RBM41: variants seen among roughly 807,000 people sequenced by gnomAD.
RBM41 encodes the protein RNA binding motif protein 41, also known as RNA-binding protein 41.
In RBM41, 14 loss-of-function variants were observed where a neutral mutation model predicts 30.8. The observed-to-expected ratio is 0.45, with a 90% CI of 0.30 to 0.71. The LOEUF is 0.71. RBM41 is among the 30% of genes least tolerant of loss of function. The pLI, the probability that RBM41 is intolerant of heterozygous loss-of-function variation, is 0.08. For missense variants in RBM41, 276 were observed against 326.3 expected, an observed-to-expected ratio of 0.85 and a Z score of 1.19; for synonymous variants, 120 against 110.1, an observed-to-expected ratio of 1.09 and a Z score of -0.56.
At chrX:107,095,456 C>T (rs774168739) in intron 5 of RBM41, among the ~76,000 whole-genome samples, 3 of 109,324 alleles carry the variant, frequency 2.7e-5, no homozygotes, top group Admixed American at 2.0e-4. Context: ...ATTGGCCAGG[C>T]GTGGTGGCAC....
At chrX:107,118,539 G>C (rs1925084550) in intron 1 of RBM41, among the ~76,000 whole-genome samples, 1 of 111,149 alleles carries the variant, frequency 9.0e-6, no homozygotes, top group Non-Finnish European at 1.9e-5. Flanking sequence ...GTGCCGGGAG[G>C]GCATTCCCAC....
At chrX:107,100,118 C>T (rs1436158020) in intron 5 of RBM41, among the ~76,000 whole-genome samples, 7 of 111,410 alleles carry the variant, frequency 6.3e-5, no homozygotes, top group Admixed American at 5.7e-4. Context: ...TTGATATTTT[C>T]CAAAATAAAA....
intron 7 of RBM41, among the ~76,000 whole-genome samples, chrX:107,067,964 C>T (rs1370824023): frequency 1.1e-4 from 12 of 111,737 alleles, no homozygotes; most frequent in Non-Finnish European, 1.3e-4. Context: ...ACATAGGCAG[C>T]GTGCTAAAGA....
At chrX:107,092,779 T>TA (rs1315215277) in intron 5 of RBM41, among the ~76,000 whole-genome samples, 1 of 111,642 alleles carries the variant, frequency 9.0e-6, no homozygotes, top group African/African-American at 3.3e-5. Flanking sequence ...GGAATGTGTA[T>TA]ACACAGTGCA....
intron 5 of RBM41, among the ~76,000 whole-genome samples, chrX:107,099,648 A>G (rs1361351135): frequency 9.1e-6 from 1 of 109,783 alleles, no homozygotes; most frequent in Non-Finnish European, 1.9e-5. Flanking sequence ...TGAAACAAAC[A>G]AACAATATAG....
rs1402342662 is a variant in RBM41 at position 107,066,858 on chromosome X, C to A, written c.*669G>T. ...TTAGACACTTAATCAATGTTTATTG[C>A]TATGAATTCAATGATACTCAATGGT... On this transcript the variant is annotated 3_prime_UTR_variant, in exon 8 of 8. Coordinates refer to ENST00000685964, the MANE Select transcript of RBM41 (RefSeq NM_001324242.2). 1.4e-6 allele frequency: 1 copy of A among 734,657 alleles called. No homozygotes were observed. Among genetic ancestry groups the A allele is most frequent in the Non-Finnish European group, 1.6e-6 (1 of 623,100 alleles). 60.5% of individuals were successfully genotyped at this position (734,657 alleles called of 1,213,427 possible). A position where few individuals can be genotyped will look rare whatever the true frequency, so the allele number is the denominator to read the frequency against.
chrX:107,086,144 T>G (rs1032348230), intron 6 of RBM41, among the ~76,000 whole-genome samples: 1 of 111,766 alleles, frequency 8.9e-6, no homozygotes, highest in African/African-American at 3.3e-5. Flanking sequence ...TGAGATAACT[T>G]TTCAAGCTGA....
chrX:107,090,282 G>A (rs558916130), intron 5 of RBM41, among the ~76,000 whole-genome samples: 2 of 111,363 alleles, frequency 1.8e-5, no homozygotes, highest in South Asian at 7.7e-4. Flanking sequence ...GCTGAGGCAG[G>A]AGAATTGCTT....
chrX:107,083,598 T>C (rs1247452330), intron 6 of RBM41, among the ~76,000 whole-genome samples: 1 of 111,627 alleles, frequency 9.0e-6, no homozygotes, highest in Non-Finnish European at 1.9e-5. Flanking sequence ...TCAGTCTTTT[T>C]TTCCTTTGTA....
chrX:107,076,948 T>C (rs1936249558), intron 6 of RBM41, among the ~76,000 whole-genome samples: 1 of 111,947 alleles, frequency 8.9e-6, no homozygotes, highest in Non-Finnish European at 1.9e-5. Flanking sequence ...AACCTGGATA[T>C]TAACATATTT....
At chrX:107,116,099 A>G in intron 2 of RBM41, 45 bp from the exon 3 acceptor site, 1 of 1,067,029 alleles carries the variant, frequency 9.4e-7, no homozygotes, top group Non-Finnish European at 1.2e-6. Flanking sequence ...TGAGGTTACT[A>G]TCATTCACAA....
chrX:107,116,349 T>A (rs1219452728), intron 2 of RBM41: 1 of 758,612 alleles, frequency 1.3e-6, no homozygotes, highest in East Asian at 4.4e-5. Flanking sequence ...CTCCTGCTTT[T>A]GTGGAAAAAC....
chrX:107,102,225 A>G (rs181156565), intron 5 of RBM41, among the ~76,000 whole-genome samples: 1 of 111,904 alleles, frequency 8.9e-6, no homozygotes, highest in East Asian at 2.8e-4. Flanking sequence ...TTTAACTTAA[A>G]AGTGACAAAC....
chrX:107,063,311 T>C lies in RBM41; in HGVS notation c.*4216A>G, dbSNP rs769592478. On this transcript the variant is annotated 3_prime_UTR_variant, in exon 8 of 8. Transcript: ENST00000685964. ...TTCATATAAATAGTATCATATAATATGTAGTCTTTTGTGACTGGCTTCTTG... is the reference window on the plus strand; with the variant it reads ...TTCATATAAATAGTATCATATAATACGTAGTCTTTTGTGACTGGCTTCTTG... Among the ~76,000 whole-genome samples, 46 of 111,917 alleles carry C rather than the reference T, an allele frequency of 4.1e-4. No individual in the cohort carries two copies. The highest frequency in any genetic ancestry group is 4.5e-4 in the Non-Finnish European group (24 of 53,219).
chrX:107,086,754 G>A lies in RBM41; in HGVS notation c.999+1682C>T, dbSNP rs540676041. Among the ~76,000 whole-genome samples the A allele has an allele frequency of 1.7e-4, 19 of 111,948 alleles. No homozygotes were observed. The South Asian group carries it at 7.1e-3, about 42-fold the overall frequency. Reference sequence around the variant, plus strand: ...AAAAAGTCTGGCATATGTGCAACAAGAGGTGTATGATAATACTTGTTGCAG... The same window carrying A: ...AAAAAGTCTGGCATATGTGCAACAAAAGGTGTATGATAATACTTGTTGCAG... On this transcript the variant is annotated intron_variant, in intron 6 of 7. Transcript: ENST00000685964.
chrX:107,090,352 C>A (rs1922421473), intron 5 of RBM41, among the ~76,000 whole-genome samples: 1 of 111,474 alleles, frequency 9.0e-6, no homozygotes, highest in African/African-American at 3.3e-5. Flanking sequence ...GCAGCCTGGG[C>A]GACAGAGTGA....
In RBM41 at chrX:107,064,131, T is replaced by C. The variant is rs752455836; in HGVS notation, c.*3396A>G. On this transcript the variant is annotated 3_prime_UTR_variant, in exon 8 of 8. Transcript: ENST00000685964. Reference sequence around the variant, plus strand: ...CACGCCTGGCTAATTTTTTGTATTTTTAGTAGAGACAGGGTTTCACCATGT... The same window carrying C: ...CACGCCTGGCTAATTTTTTGTATTTCTAGTAGAGACAGGGTTTCACCATGT... Among the ~76,000 whole-genome samples, 4 of 109,067 alleles carry C rather than the reference T, an allele frequency of 3.7e-5. No homozygotes were observed. The highest frequency in any genetic ancestry group is 9.8e-5 in the Admixed American group (1 of 10,162). 94.7% of individuals were successfully genotyped at this position (109,067 alleles called of 115,157 possible).
chrX:107,060,472 C>G (rs1443927086), downstream of RBM41, among the ~76,000 whole-genome samples: 4 of 110,751 alleles, frequency 3.6e-5, no homozygotes, highest in Admixed American at 9.5e-5. Flanking sequence ...AAGGGAGCAG[C>G]GTTCTTCCCC....
chrX:107,103,926 G>A (rs1004037909), intron 5 of RBM41, among the ~76,000 whole-genome samples: 2 of 111,171 alleles, frequency 1.8e-5, no homozygotes, highest in Non-Finnish European at 3.8e-5. Flanking sequence ...TTACACAGAT[G>A]CAGTGTGTCC....
Sources: allele counts gnomAD v4.1 joint callset (sites outside exome capture counted in the v4.1 genomes callset), GRCh38; gene constraint gnomAD v4.1.1; transcripts MANE v1.5; gene names NCBI Gene and HGNC (gene_info 2026-07-23, HGNC 2026-07-21).